The following CA10 variants were observed in gnomAD, a reference collection of about 807,000 sequenced individuals.
CA10 encodes the protein carbonic anhydrase-related protein 10.
A neutral mutation model predicts 44.2 loss-of-function variants in CA10; 14 were observed. That is an observed-to-expected ratio of 0.32 (90% CI 0.21 to 0.50). The LOEUF is 0.50. Ranked by LOEUF, CA10 falls within the 20% of genes least tolerant of loss-of-function variation. CA10 has a pLI of 0.99. For synonymous variants in CA10, 159 were observed against 141.6 expected, an observed-to-expected ratio of 1.12 and a Z score of -0.87; for missense variants, 350 against 409.7, an observed-to-expected ratio of 0.85 and a Z score of 1.26.
At chr17:51,903,636 C>G (rs1331961280) in intron 3 of CA10, among the ~76,000 whole-genome samples, 2 of 152,144 alleles carry the variant, frequency 1.3e-5, no homozygotes, top group Non-Finnish European at 2.9e-5. Flanking sequence ...CCTGATTATA[C>G]TCTTTCTAAT....
intron 1 of CA10, among the ~76,000 whole-genome samples, chr17:52,140,760 G>A (rs1989460904): frequency 6.6e-6 from 1 of 152,116 alleles, no homozygotes; most frequent in Non-Finnish European, 1.5e-5. Flanking sequence ...TAGGGTCTTT[G>A]CCAGAACCCA....
At position 51,783,008 on chromosome 17, in the gene CA10, A is replaced by G. The variant is rs187919949; in HGVS notation, c.280-35190T>C. On this transcript the variant is annotated intron_variant, in intron 3 of 8. Transcript: ENST00000451037. ...TCTCCATTTTGCATAAGACAGCCAG[A>G]GTTGATTTCTGTTGCTTGCAACCAT... is the stretch of plus-strand genomic sequence containing the variant. Among the ~76,000 whole-genome samples, 13 of 152,346 alleles carry G rather than the reference A, an allele frequency of 8.5e-5. No homozygotes were observed. In the East Asian group the frequency reaches 2.5e-3, roughly 29 times the overall value.
intron 1 of CA10, among the ~76,000 whole-genome samples, chr17:52,094,650 G>C (rs139844305): frequency 6.6e-6 from 1 of 152,130 alleles, no homozygotes; most frequent in Non-Finnish European, 1.5e-5. Context: ...GAAGTCTTTT[G>C]TTCATTTATG....
intron 2 of CA10, among the ~76,000 whole-genome samples, chr17:52,061,954 C>T (rs1987398253): frequency 6.6e-6 from 1 of 151,948 alleles, no homozygotes; most frequent in Admixed American, 6.6e-5. Flanking sequence ...CAAAGGGAGA[C>T]TGAATGTGGG....
intron 3 of CA10, among the ~76,000 whole-genome samples, chr17:51,769,014 A>AT (rs1049418775): frequency 1.1e-4 from 16 of 152,070 alleles, no homozygotes; most frequent in Admixed American, 3.9e-4. Flanking sequence ...ATGTGCATGT[A>AT]TTTTTTTTAA....
At chr17:51,906,998 G>A (rs1357246517) in intron 3 of CA10, among the ~76,000 whole-genome samples, 2 of 152,286 alleles carry the variant, frequency 1.3e-5, no homozygotes, top group East Asian at 3.9e-4. Context: ...GCACACAGCA[G>A]TTGGAGTGAT....
chr17:51,715,120 A>T (rs563822947), intron 4 of CA10, among the ~76,000 whole-genome samples: 4 of 152,290 alleles, frequency 2.6e-5, no homozygotes, highest in Middle Eastern at 6.8e-3. Context: ...GCAAGGACAA[A>T]AAACCAAACA....
intron 4 of CA10, among the ~76,000 whole-genome samples, chr17:51,663,568 CTG>C (rs1296099504): frequency 5.3e-5 from 8 of 152,264 alleles, no homozygotes; most frequent in Admixed American, 2.0e-4. Context: ...ACAGGCAAAA[CTG>C]TGATGACAAC....
intron 3 of CA10, among the ~76,000 whole-genome samples, chr17:51,836,904 G>C (rs1033656319): frequency 6.6e-6 from 1 of 152,110 alleles, no homozygotes; most frequent in Non-Finnish European, 1.5e-5. Flanking sequence ...TTAATTCTTA[G>C]TGTATATACT....
intron 2 of CA10, among the ~76,000 whole-genome samples, chr17:51,971,712 C>T (rs1176529460): frequency 6.6e-6 from 1 of 151,850 alleles, no homozygotes; most frequent in Non-Finnish European, 1.5e-5. Flanking sequence ...CCATTTCTAC[C>T]ATTTTAAAAA....
At chr17:51,864,810 C>A (rs1329117983) in intron 3 of CA10, among the ~76,000 whole-genome samples, 1 of 152,190 alleles carries the variant, frequency 6.6e-6, no homozygotes, top group Non-Finnish European at 1.5e-5. Flanking sequence ...AGGCTCACAA[C>A]TCACTGCATG....
In CA10 at chr17:52,027,783, A is replaced by G. The variant is rs116814923; in HGVS notation, c.136+44536T>C. ...AAGTGAGGCAGATACAATGCTTTGCATTTTTCAGATGAGAAAGCTGTGAGT... is the reference window on the plus strand; with the variant it reads ...AAGTGAGGCAGATACAATGCTTTGCGTTTTTCAGATGAGAAAGCTGTGAGT... On this transcript the variant is annotated intron_variant, in intron 2 of 8. Transcript: ENST00000451037. Among the ~76,000 whole-genome samples, 664 of 152,250 alleles carry G rather than the reference A, an allele frequency of 4.4e-3. 3 individuals carry two copies. The highest frequency in any genetic ancestry group is 0.015 in the African/African-American group (628 of 41,558).
At chr17:51,811,190 GAAAAA>G (rs35275627) in intron 3 of CA10, among the ~76,000 whole-genome samples, 1 of 125,216 alleles carries the variant, frequency 8.0e-6, no homozygotes, top group Admixed American at 8.0e-5. Flanking sequence ...ACTCCATCTC[GAAAAA>G]AAAAAAAAAA....
chr17:51,893,877 G>A (rs557948357), intron 3 of CA10, among the ~76,000 whole-genome samples: 160 of 152,134 alleles, frequency 1.1e-3, no homozygotes, highest in Admixed American at 1.8e-3. Flanking sequence ...ATATATTCAC[G>A]TATACATTTT....
intron 3 of CA10, among the ~76,000 whole-genome samples, chr17:51,914,288 A>G (rs1981904588): frequency 6.6e-6 from 1 of 152,174 alleles, no homozygotes; most frequent in Non-Finnish European, 1.5e-5. Context: ...CATTTTTTAC[A>G]GAGAAAAAGC....
intron 4 of CA10, among the ~76,000 whole-genome samples, chr17:51,667,151 A>G (rs747015534): frequency 6.6e-6 from 1 of 152,220 alleles, no homozygotes; most frequent in Non-Finnish European, 1.5e-5. Flanking sequence ...GGGCTCTTAC[A>G]TGCCACATAG....
chr17:52,138,231 C>T (rs1217186405), intron 1 of CA10, among the ~76,000 whole-genome samples: 1 of 152,170 alleles, frequency 6.6e-6, no homozygotes, highest in Non-Finnish European at 1.5e-5. Context: ...TCTGTTCTCA[C>T]ATCTTCTTTT....
At chr17:51,756,637 C>CT (rs959576445) in intron 3 of CA10, among the ~76,000 whole-genome samples, 294 of 146,232 alleles carry the variant, frequency 2.0e-3, no homozygotes, top group African/African-American at 5.6e-3. Flanking sequence ...GCCTGGCTAA[C>CT]TTTTTTTTTT....
intron 3 of CA10, among the ~76,000 whole-genome samples, chr17:51,780,710 C>T (rs970290616): frequency 3.9e-5 from 6 of 152,118 alleles, no homozygotes; most frequent in African/African-American, 9.7e-5. Flanking sequence ...AAATTAGGGA[C>T]GTCTTCTCAG....
Sources: allele counts gnomAD v4.1 joint callset (sites outside exome capture counted in the v4.1 genomes callset), GRCh38; gene constraint gnomAD v4.1.1; transcripts MANE v1.5; gene names NCBI Gene and HGNC (gene_info 2026-07-23, HGNC 2026-07-21).